Variants in DMBT1 observed in about 807,000 individuals in gnomAD.
The protein encoded by DMBT1 is deleted in malignant brain tumors 1.
Under a neutral mutation model 252.9 loss-of-function variants are expected in DMBT1, and 198 were observed. The observed-to-expected ratio is 0.78, with a 90% confidence interval of 0.70 to 0.88. The LOEUF is 0.88. Among genes scored for constraint, DMBT1 ranks in the 40% least tolerant of loss-of-function variants. The pLI, the probability that DMBT1 is intolerant of heterozygous loss-of-function variation, is 0.00. For missense variants in DMBT1, 2,432 were observed against 2,404.7 expected (o/e 1.01, Z -0.24); for synonymous variants, 990 against 942.7 (o/e 1.05, Z -0.92).
At chr10:122,617,384 G>A (rs967265702) in intron 40 of DMBT1, 124 bp downstream of exon 40, 5 of 1,226,096 alleles carry the variant, frequency 4.1e-6, no homozygotes, top group Admixed American at 1.9e-5. Flanking sequence ...TTGGGTGGGA[G>A]GAAGGTGGAG....
chr10:122,593,519 C>G, intron 20 of DMBT1, 50 bp from the exon 21 acceptor site: 2 of 1,576,346 alleles, frequency 1.3e-6, no homozygotes, highest in Non-Finnish European at 1.7e-6. Context: ...CCAGTTTTGC[C>G]GACTTCTGTG....
rs111575923 is a variant in DMBT1, at chr10:122,580,890, G to C, written c.1028G>C (p.Ser343Thr). Residue 343 changes from serine to threonine, a missense_variant, in exon 11 of 56, where the codon AGC becomes ACC. Physicochemically the swap from Ser to Thr is moderately conservative, Grantham distance 58. Transcript: ENST00000338354. Reference sequence around the variant, plus strand: ...GCTCCCCAGTCCCGGCCGACACCCAGCCCAGGTAGGTCCCCAGTGTCCTTC... The same window carrying C: ...GCTCCCCAGTCCCGGCCGACACCCACCCCAGGTAGGTCCCCAGTGTCCTTC... ...CSAPQSRPTP[S>T]PDTWPTSHAS... 60,384 of 1,586,878 alleles carry C rather than the reference G, an allele frequency of 0.038. 456 individuals carry two copies. The highest frequency in any genetic ancestry group is 0.18 in the East Asian group (7,935 of 43,612).
In DMBT1 at chr10:122,586,059, G is replaced by T. The variant is rs1016970598; in HGVS notation, c.1460-1G>T. ...TGAAGGGTTCTTGTTTTCCCCTGTA[G>T]GATCTGAATCCAGTTTGGCCCTGAG... On this transcript the variant is annotated splice_acceptor_variant, in intron 15 of 55. Coordinates refer to ENST00000338354, the MANE Select transcript of DMBT1 (RefSeq NM_001377530.1). LOFTEE classifies it high-confidence loss of function. 16 of 1,588,540 alleles carry T rather than the reference G, an allele frequency of 1.0e-5. 2 individuals carry two copies. The highest frequency in any genetic ancestry group is 1.3e-5 in the Non-Finnish European group (15 of 1,165,984).
Position 122,633,844 on chromosome 10 carries a change from A to G in DMBT1, c.6548+503A>G, listed in dbSNP as rs1244050884. The stretch of plus-strand genomic sequence containing the variant: ...AATAGCACTAATAATCCTATTAACA[A>G]CCACACTGGCCAGGTATGCTGCCTC... On this transcript the variant is annotated intron_variant, in intron 52 of 55. Coordinates refer to ENST00000338354, the MANE Select transcript of DMBT1 (RefSeq NM_001377530.1). Among the ~76,000 whole-genome samples, 4 of 152,114 alleles carry G rather than the reference A, an allele frequency of 2.6e-5. 1 individual carries two copies. Among genetic ancestry groups the G allele is most frequent in the Admixed American group, 2.0e-4 (3 of 15,276 alleles).
chr10:122,620,309 C>T lies in DMBT1; in HGVS notation c.5284+18C>T, dbSNP rs1266195593. On this transcript the variant is annotated intron_variant, in intron 43 of 55. Transcript: ENST00000338354. ...GACAGTAGGTAAATAATCCTCTCGC[C>T]CCTCCCTAGGGCTCACTCTCTACCT... is the stretch of plus-strand genomic sequence containing the variant. 6.2e-7 allele frequency: 1 copy of T among 1,613,774 alleles called. No individual in the cohort carries two copies. The highest frequency in any genetic ancestry group is 1.3e-5 in the African/African-American group (1 of 75,032).
rs140229076 is a variant in DMBT1 at position 122,631,867 on chromosome 10, C to T, written c.6359C>T (p.Ser2120Leu). 8.6e-5 allele frequency: 139 copies of T among 1,613,842 alleles called. No homozygotes were observed. In the African/African-American group the frequency reaches 1.2e-3, roughly 14 times the overall value. Reference protein sequence around the residue: ...AGVICSGNHLSTPAPFLNITR... With the variant: ...AGVICSGNHLLTPAPFLNITR... ...ATTCCTTTTTCAGGAAACCATCTATCGACACCTGGTAAGTCCCTCCGATTT... is the reference window on the plus strand; with the variant it reads ...ATTCCTTTTTCAGGAAACCATCTATTGACACCTGGTAAGTCCCTCCGATTT... The change falls in exon 50 of 56, where the codon TCG becomes TTG. Residue 2120 changes from serine (S) to leucine (L), a missense_variant. Around this residue, in one of 3 missense-constraint regions of DMBT1, gnomAD observed 1,162 missense variants for 1,169.0 expected, o/e 0.99. Coordinates refer to ENST00000338354, the MANE Select transcript of DMBT1 (RefSeq NM_001377530.1).
intron 2 of DMBT1, among the ~76,000 whole-genome samples, chr10:122,568,796 T>C (rs2097629321): frequency 6.6e-6 from 1 of 152,182 alleles, no homozygotes; most frequent in Non-Finnish European, 1.5e-5. Context: ...AACATTCCCT[T>C]GGGTGACTTG....
chr10:122,639,897 G>T, intron 54 of DMBT1, 143 bp from the exon 55 acceptor site: 1 of 988,630 alleles, frequency 1.0e-6, no homozygotes, highest in Non-Finnish European at 1.5e-6. Flanking sequence ...GGATAGGCAC[G>T]TGCCATGGCC....
At position 122,589,056 on chromosome 10, in the gene DMBT1, C is replaced by A; in HGVS notation, c.1896C>A (p.Asp632Glu). The A allele has an allele frequency of 6.3e-7, 1 of 1,588,868 alleles. No homozygotes were observed. The highest frequency in any genetic ancestry group is 1.2e-5 in the South Asian group (1 of 86,916). The change falls in exon 17 of 56, where the codon GAC (aspartate) becomes GAA (glutamate). Residue 632 changes from aspartate (D) to glutamate (E), a missense_variant. This residue lies in a region of DMBT1 where 1,264 missense variants were observed against 1,082.2 expected (regional missense o/e 1.17). Transcript: ENST00000338354. Reference protein sequence around the residue: ...SWGTVCDDSWDTNDANVVCRQ... With the variant: ...SWGTVCDDSWETNDANVVCRQ... ...GCACCGTGTGTGATGACAGCTGGGA[C>A]ACCAATGATGCCAATGTGGTCTGCA...
intron 25 of DMBT1, 72 bp from the exon 26 acceptor site, chr10:122,598,702 G>C: frequency 6.2e-7 from 1 of 1,608,610 alleles, no homozygotes; most frequent in African/African-American, 1.3e-5. Flanking sequence ...GACATGCCTT[G>C]AGTGTGGAAC....
intron 55 of DMBT1, among the ~76,000 whole-genome samples, chr10:122,642,336 C>T (rs74969410): frequency 0.039 from 5,887 of 152,274 alleles, 159 homozygotes; most frequent in South Asian, 0.13. Flanking sequence ...CCACCACCCA[C>T]GAGAAATGCC....
chr10:122,580,968 G>A, intron 11 of DMBT1, 73 bp downstream of exon 11: 1 of 1,562,072 alleles, frequency 6.4e-7, no homozygotes, highest in Non-Finnish European at 8.7e-7. Flanking sequence ...ACTCCACAGA[G>A]CTCTCCTGTT....
chr10:122,618,401 C>T (rs2098022632), intron 41 of DMBT1, 61 bp downstream of exon 41: 1 of 1,612,652 alleles, frequency 6.2e-7, no homozygotes, highest in East Asian at 2.2e-5. Flanking sequence ...GAAGAAAATC[C>T]TAATTACATT....
chr10:122,632,835 T>C (rs766347879), intron 50 of DMBT1, 26 bp from the exon 51 acceptor site: 1 of 1,612,932 alleles, frequency 6.2e-7, no homozygotes, highest in Admixed American at 1.7e-5. Context: ...AGAAAACTGA[T>C]CCTGATCTTT....
intron 46 of DMBT1, among the ~76,000 whole-genome samples, chr10:122,628,809 G>A (rs2098136878): frequency 6.6e-6 from 1 of 152,166 alleles, no homozygotes; most frequent in African/African-American, 2.4e-5. Flanking sequence ...ATCAGTGGGT[G>A]CCAGGAATGG....
intron 43 of DMBT1, 105 bp downstream of exon 43, chr10:122,620,396 A>G: frequency 7.1e-7 from 1 of 1,403,506 alleles, no homozygotes; most frequent in Non-Finnish European, 1.0e-6. Context: ...TCTGTTTTTC[A>G]TGTTTCCGCG....
At chr10:122,563,867 A>G (rs1278395194) in intron 1 of DMBT1, among the ~76,000 whole-genome samples, 1 of 152,158 alleles carries the variant, frequency 6.6e-6, no homozygotes, top group Non-Finnish European at 1.5e-5. Context: ...GATACCTGGG[A>G]CCTGGCAGTG....
chr10:122,598,144 A>G lies in DMBT1; in HGVS notation c.2956+132A>G, dbSNP rs2097902211. 3.6e-6 allele frequency: 5 copies of G among 1,371,126 alleles called. No individual in the cohort carries two copies. In the East Asian group the frequency reaches 1.2e-4, roughly 32 times the overall value. The allele number at this position is 1,371,126 out of a possible 1,614,324, so 84.9% of individuals were successfully genotyped here. ...TGTCCCTGTGGGTTGCATGGGAGGA[A>G]GGTAGCGTCTCTGGGGACCCAGCTC... On this transcript the variant is annotated intron_variant, in intron 25 of 55. Transcript: ENST00000338354.
Position 122,592,336 on chromosome 10 carries a change from G to C in DMBT1, c.2241G>C (p.Glu747Asp). The change falls in exon 20 of 56, where the codon GAG becomes GAC. Residue 747 changes from glutamate (E) to aspartate (D), a missense_variant. Physicochemically the swap from Glu to Asp is conservative, Grantham distance 45. Transcript: ENST00000338354. ...NGSDRCQGRV[E>D]VLYRGSWGTV... ...GTGACAGGTGTCAGGGCCGAGTAGA[G>C]GTCCTATACCGAGGCTCCTGGGGCA... 1 of 1,588,052 alleles carries C rather than the reference G, an allele frequency of 6.3e-7. No homozygotes were observed.
Sources: gnomAD v4.1 joint callset for allele counts (sites outside exome capture counted in the v4.1 genomes callset) on GRCh38, gnomAD v4.1.1 for gene constraint, gnomAD v4.1.1 regional missense constraint, MANE v1.5 for transcripts, NCBI Gene and HGNC (gene_info 2026-07-23, HGNC 2026-07-21) for gene names.